The following SND1 variants were observed in gnomAD, a reference collection of about 807,000 sequenced individuals.
SND1 encodes staphylococcal nuclease domain-containing protein 1.
A neutral mutation model predicts 121.7 loss-of-function variants in SND1; 38 were observed. That is an observed-to-expected ratio of 0.31 (90% CI 0.24 to 0.41). The LOEUF is 0.41. SND1 is among the 10% of genes least tolerant of loss of function. The probability of loss-of-function intolerance (pLI) is 1.00; values close to 1 mark genes in which losing one functional copy is unlikely to be tolerated. For missense variants in SND1, 868 were observed against 1,184.6 expected, an observed-to-expected ratio of 0.73 and a Z score of 3.92; for synonymous variants, 401 against 447.4, an observed-to-expected ratio of 0.90 and a Z score of 1.31.
At chr7:127,712,512 A>G (rs1309510776) in intron 9 of SND1, among the ~76,000 whole-genome samples, 4 of 152,142 alleles carry the variant, frequency 2.6e-5, no homozygotes, top group African/African-American at 4.8e-5. Context: ...GAAACCATCC[A>G]TCATTTTTGG....
At chr7:127,957,598 A>G (rs1036654661) in intron 15 of SND1, among the ~76,000 whole-genome samples, 2 of 152,228 alleles carry the variant, frequency 1.3e-5, no homozygotes, top group Non-Finnish European at 2.9e-5. Flanking sequence ...TTGGCTATAC[A>G]GTACATATTC....
chr7:127,905,319 A>G (rs1800313902), intron 14 of SND1, among the ~76,000 whole-genome samples: 1 of 152,156 alleles, frequency 6.6e-6, no homozygotes. Context: ...CATATAGATA[A>G]TAAAGAAGAA....
chr7:127,997,731 T>G (rs1234651377), intron 16 of SND1: 2 of 534,338 alleles, frequency 3.7e-6, no homozygotes, highest in East Asian at 1.1e-4. Context: ...AATTCGTGCC[T>G]TATCAGAATG....
intron 14 of SND1, among the ~76,000 whole-genome samples, chr7:127,915,655 G>A (rs1205247384): frequency 6.6e-6 from 1 of 152,178 alleles, no homozygotes; most frequent in African/African-American, 2.4e-5. Context: ...AATTGTAATG[G>A]GAGTACAGAG....
chr7:127,930,701 G>T (rs1038021150), intron 15 of SND1, among the ~76,000 whole-genome samples: 1 of 152,204 alleles, frequency 6.6e-6, no homozygotes, highest in Admixed American at 6.5e-5. Flanking sequence ...TGGCAGTTGT[G>T]TGAGAGAGTC....
Position 127,672,670 on chromosome 7 carries a change from G to A in SND1, c.79-13943G>A, listed in dbSNP as rs1185199672. On this transcript the variant is annotated intron_variant, in intron 1 of 23. Coordinates refer to ENST00000354725, the MANE Select transcript of SND1 (RefSeq NM_014390.4). Reference sequence around the variant, plus strand: ...TGGATACAATACTGCCATCCAACCGGCAAACTCCCTTCAGATTTTGCCAGT... The same window carrying A: ...TGGATACAATACTGCCATCCAACCGACAAACTCCCTTCAGATTTTGCCAGT... 2.0e-5 allele frequency among the ~76,000 whole-genome samples: 3 copies of A among 151,882 alleles called. No homozygotes were observed. The East Asian group carries it at 5.8e-4, about 29-fold the overall frequency.
chr7:127,692,175 C>T (rs1294334578), intron 2 of SND1, among the ~76,000 whole-genome samples: 3 of 152,016 alleles, frequency 2.0e-5, no homozygotes, highest in Non-Finnish European at 4.4e-5. Flanking sequence ...TTCATCTTGT[C>T]CTGGTAGTTT....
rs186727533 is a variant in SND1 at position 127,734,767 on chromosome 7, A to T, written c.1152+13367A>T. ...TGTCCTTGTTCTGAGGCCTTACAGT[A>T]GTCTTCTGCCGAGTTCTTTTCAGGA... is the stretch of plus-strand genomic sequence containing the variant. On this transcript the variant is annotated intron_variant, in intron 10 of 23. Coordinates refer to ENST00000354725, the MANE Select transcript of SND1 (RefSeq NM_014390.4). 2.0e-5 allele frequency among the ~76,000 whole-genome samples: 3 copies of T among 152,320 alleles called. No homozygotes were observed. The East Asian group carries it at 5.8e-4, about 29-fold the overall frequency.
chr7:128,058,596 C>CT (rs1322863198), intron 16 of SND1, among the ~76,000 whole-genome samples: 1 of 152,232 alleles, frequency 6.6e-6, no homozygotes, highest in East Asian at 1.9e-4. Context: ...TTTTGCTTCT[C>CT]TTTTATGCAG....
At chr7:127,973,982 A>G (rs1018501537) in intron 15 of SND1, among the ~76,000 whole-genome samples, 2 of 152,218 alleles carry the variant, frequency 1.3e-5, no homozygotes, top group African/African-American at 4.8e-5. Context: ...AGGGAGGTTG[A>G]AAACCCAGCT....
intron 16 of SND1, among the ~76,000 whole-genome samples, chr7:128,063,160 C>G (rs1427142600): frequency 1.3e-5 from 2 of 152,196 alleles, no homozygotes; most frequent in Non-Finnish European, 2.9e-5. Context: ...CTCATGTCCA[C>G]TTTTGCTCTT....
intron 16 of SND1, among the ~76,000 whole-genome samples, chr7:128,010,939 C>T (rs528778919): frequency 2.0e-5 from 3 of 152,268 alleles, no homozygotes; most frequent in Middle Eastern, 3.4e-3. Flanking sequence ...AGCTGGTGAG[C>T]GGACGCCCTC....
At chr7:127,750,286 T>C (rs1213692406) in intron 10 of SND1, among the ~76,000 whole-genome samples, 1 of 152,190 alleles carries the variant, frequency 6.6e-6, no homozygotes, top group East Asian at 1.9e-4. Context: ...TTGGAGGATC[T>C]GTAGGTCTTC....
chr7:127,678,959 A>AG (rs751353710), intron 1 of SND1: 1 of 152,140 alleles, frequency 6.6e-6, no homozygotes, highest in Non-Finnish European at 1.5e-5. Flanking sequence ...CCTTGTCCAG[A>AG]GGGGAGTCCC....
At chr7:127,717,150 G>A (rs892673331) in intron 9 of SND1, among the ~76,000 whole-genome samples, 3 of 152,112 alleles carry the variant, frequency 2.0e-5, no homozygotes, top group Non-Finnish European at 2.9e-5. Context: ...TCCACCCTCA[G>A]CCCAGTTTCC....
Position 127,652,371 on chromosome 7 carries a change from C to A in SND1, c.-3C>A. On this transcript the variant is annotated 5_prime_UTR_variant, in exon 1 of 24. Transcript: ENST00000354725. ...TCCACTCGTTGCCTTTGCATCTCCA[C>A]ACATGGCGTCCTCCGCGCAGAGCGG... 1 of 1,574,272 alleles carries A rather than the reference C, an allele frequency of 6.4e-7. No individual in the cohort carries two copies. The highest frequency in any genetic ancestry group is 1.3e-5 in the African/African-American group (1 of 74,766).
chr7:127,807,946 A>G (rs1331574870), intron 11 of SND1, among the ~76,000 whole-genome samples: 2 of 152,078 alleles, frequency 1.3e-5, no homozygotes, highest in Non-Finnish European at 2.9e-5. Context: ...CTGCTTTTTC[A>G]TGCTTCCCCT....
intron 11 of SND1, among the ~76,000 whole-genome samples, chr7:127,841,955 C>G (rs537732856): frequency 6.6e-6 from 1 of 152,196 alleles, no homozygotes; most frequent in Non-Finnish European, 1.5e-5. Context: ...ACCTTAACCT[C>G]AGCCCTTAAT....
At chr7:127,734,274 C>T (rs1364648788) in intron 10 of SND1, among the ~76,000 whole-genome samples, 5 of 151,960 alleles carry the variant, frequency 3.3e-5, no homozygotes, top group Non-Finnish European at 7.4e-5. Flanking sequence ...AAGAGTTCTG[C>T]CTGAAGAAAT....
Sources: allele counts gnomAD v4.1 joint callset (sites outside exome capture counted in the v4.1 genomes callset), GRCh38; gene constraint gnomAD v4.1.1; transcripts MANE v1.5; gene names NCBI Gene and HGNC (gene_info 2026-07-23, HGNC 2026-07-21).